The following GRM7 variants were observed in gnomAD, a reference collection of about 807,000 sequenced individuals.
GRM7 encodes glutamate metabotropic receptor 7.
In GRM7, 35 loss-of-function variants were observed where a neutral mutation model predicts 84.5. The ratio of observed to expected loss-of-function variants is 0.41; its 90% CI spans 0.32 to 0.55. The LOEUF is 0.55. Among genes scored for constraint, GRM7 ranks in the 20% least tolerant of loss-of-function variants. GRM7 has a pLI of 0.19. For synonymous variants in GRM7, 487 were observed against 455.1 expected (o/e 1.07, Z -0.89); for missense variants, 1,003 against 1,194.6 (o/e 0.84, Z 2.36).
intron 1 of GRM7, among the ~76,000 whole-genome samples, chr3:7,096,875 A>G (rs1397987407): frequency 1.3e-5 from 2 of 152,180 alleles, no homozygotes; most frequent in Non-Finnish European, 2.9e-5. Flanking sequence ...TATATTCTTT[A>G]TTATGCTATA....
At chr3:7,046,931 C>A (rs9847431) in intron 1 of GRM7, among the ~76,000 whole-genome samples, 27,774 of 151,810 alleles carry the variant, frequency 0.18, 2,672 homozygotes, top group Admixed American at 0.27. Flanking sequence ...CAGAGCTGTA[C>A]ATGAATAAAG....
intron 7 of GRM7, among the ~76,000 whole-genome samples, chr3:7,522,567 A>G (rs1206783681): frequency 6.6e-6 from 1 of 152,134 alleles, no homozygotes; most frequent in African/African-American, 2.4e-5. Context: ...TGGCAGCCAG[A>G]AAATTTCTTT....
rs192319018 is a variant in GRM7 at position 7,102,538 on chromosome 3, G to A, written c.520-43914G>A. 1.6e-4 allele frequency among the ~76,000 whole-genome samples: 24 copies of A among 151,750 alleles called. 2 individuals are homozygous for A. Among genetic ancestry groups the A allele is most frequent in the East Asian group, 5.8e-4 (3 of 5,144 alleles). Reference sequence around the variant, plus strand: ...GATGTGCCTAAGTGTGGTTTTCTTCGTATTTATCCTGCTTAGAGTTTGTTG... The same window carrying A: ...GATGTGCCTAAGTGTGGTTTTCTTCATATTTATCCTGCTTAGAGTTTGTTG... On this transcript the variant is annotated intron_variant, in intron 1 of 9. Transcript: ENST00000357716.
intron 1 of GRM7, among the ~76,000 whole-genome samples, chr3:7,068,064 T>C (rs1331816969): frequency 6.6e-6 from 1 of 151,978 alleles, no homozygotes; most frequent in Non-Finnish European, 1.5e-5. Context: ...TATAAAGATA[T>C]TCCATCCATG....
intron 5 of GRM7, chr3:7,451,912 A>T (rs1216692375): frequency 6.6e-6 from 1 of 152,322 alleles, no homozygotes; most frequent in East Asian, 1.9e-4. Flanking sequence ...GAATGATGTG[A>T]CTAGCTCTGT....
Position 6,862,049 on chromosome 3 carries a change from C to A in GRM7, c.519+142C>A. The stretch of plus-strand genomic sequence containing the variant: ...TGGAGATCCTGCCGAATCCCTCCCA[C>A]CCCGCTCGAGGAGATACCTTCCCTG... On this transcript the variant is annotated intron_variant, in intron 1 of 9. Transcript: ENST00000357716. The surrounding 1 kb of genome is among the most constrained non-coding windows in gnomAD (Gnocchi z 5.2). 2 of 672,686 alleles carry A rather than the reference C, an allele frequency of 3.0e-6. No homozygotes were observed. The highest frequency in any genetic ancestry group is 5.0e-6 in the Non-Finnish European group (2 of 400,288). 41.7% of individuals were successfully genotyped at this position (672,686 alleles called of 1,614,324 possible).
At chr3:7,395,479 T>C (rs1156408685) in intron 4 of GRM7, among the ~76,000 whole-genome samples, 1 of 152,232 alleles carries the variant, frequency 6.6e-6, no homozygotes, top group Non-Finnish European at 1.5e-5. Flanking sequence ...TCTATTGTTA[T>C]ATAATAATAT....
intron 4 of GRM7, among the ~76,000 whole-genome samples, chr3:7,371,762 C>A (rs1422787071): frequency 6.6e-6 from 1 of 152,070 alleles, no homozygotes; most frequent in Non-Finnish European, 1.5e-5. Flanking sequence ...ACTTGAACAG[C>A]CCATGAGTTT....
chr3:7,034,152 G>C (rs771272952), intron 1 of GRM7, among the ~76,000 whole-genome samples: 16 of 152,100 alleles, frequency 1.1e-4, no homozygotes, highest in Non-Finnish European at 2.9e-5. Context: ...AATTATACTA[G>C]GTTCCTTGAA....
intron 1 of GRM7, among the ~76,000 whole-genome samples, chr3:7,126,276 A>ACTTAC (rs1371583033): frequency 6.6e-6 from 1 of 152,226 alleles, no homozygotes; most frequent in Admixed American, 6.5e-5. Flanking sequence ...ATTTGAAATT[A>ACTTAC]CTTTTCTGAA....
At chr3:7,155,415 T>A (rs1288422149) in intron 2 of GRM7, among the ~76,000 whole-genome samples, 3 of 147,832 alleles carry the variant, frequency 2.0e-5, no homozygotes, top group African/African-American at 7.6e-5. Context: ...TAAAAAGGAG[T>A]AGGCTTTAAC....
chr3:7,481,309 C>G (rs771073878), intron 7 of GRM7, among the ~76,000 whole-genome samples: 64 of 152,046 alleles, frequency 4.2e-4, no homozygotes, highest in Non-Finnish European at 8.8e-4. Context: ...AACTCCTGTG[C>G]TCAAGTGGGC....
At chr3:7,466,116 A>G (rs1698450744) in intron 7 of GRM7, among the ~76,000 whole-genome samples, 1 of 152,228 alleles carries the variant, frequency 6.6e-6, no homozygotes. Flanking sequence ...ACTTTATGAA[A>G]TACTCTTCCT....
chr3:6,915,601 C>T (rs981173975), intron 1 of GRM7, among the ~76,000 whole-genome samples: 3 of 152,176 alleles, frequency 2.0e-5, no homozygotes, highest in African/African-American at 7.2e-5. Context: ...TTTTCAAGCT[C>T]ATGCTAATAT....
At chr3:7,609,987 G>GACGTGGTTTTACTTAAACAGACTT (rs535515036) in intron 8 of GRM7, among the ~76,000 whole-genome samples, 79 of 152,292 alleles carry the variant, frequency 5.2e-4, no homozygotes, top group African/African-American at 1.4e-3. Context: ...GTTCTTGGTT[G>GACGTGGTTTTACTTAAACAGACTT]ACGTGGTTTT....
chr3:6,887,889 C>T (rs1218076825), intron 1 of GRM7, among the ~76,000 whole-genome samples: 1 of 152,148 alleles, frequency 6.6e-6, no homozygotes, highest in Non-Finnish European at 1.5e-5. Flanking sequence ...CTCTCCAGCA[C>T]CTGTTGTTTC....
intron 5 of GRM7, among the ~76,000 whole-genome samples, chr3:7,435,679 GTTTTTTTTT>G (rs71066011): frequency 0.011 from 1,001 of 88,536 alleles, 20 homozygotes; most frequent in South Asian, 0.036. Flanking sequence ...CATCCGGCTA[GTTTTTTTTT>G]TTTTTTTTTT....
intron 7 of GRM7, among the ~76,000 whole-genome samples, chr3:7,553,124 A>T (rs1659382309): frequency 6.6e-6 from 1 of 152,162 alleles, no homozygotes. Context: ...ACTCTAAGTC[A>T]TCTCTCTCAA....
intron 4 of GRM7, among the ~76,000 whole-genome samples, chr3:7,312,954 T>TA (rs1340640289): frequency 9.5e-5 from 10 of 104,898 alleles, no homozygotes; most frequent in South Asian, 5.8e-4. Context: ...TTTTTTTTTT[T>TA]ATCTCACTCT....
Sources: allele counts gnomAD v4.1 joint callset (sites outside exome capture counted in the v4.1 genomes callset), GRCh38; gene constraint gnomAD v4.1.1; non-coding constraint Gnocchi (gnomAD v3.1); transcripts MANE v1.5; gene names NCBI Gene and HGNC (gene_info 2026-07-23, HGNC 2026-07-21).